The following WWOX variants were observed in gnomAD, a reference collection of about 807,000 sequenced individuals.
WWOX encodes WW domain-containing oxidoreductase.
Under a neutral mutation model 46.2 loss-of-function variants are expected in WWOX, and 69 were observed. That is an observed-to-expected ratio of 1.49 (90% CI 1.23 to 1.82). WWOX has a LOEUF of 1.82. Ranked by LOEUF, WWOX falls within the 40% of genes most tolerant of loss-of-function variation. The probability of loss-of-function intolerance (pLI) is 0.00; values close to 1 mark genes in which losing one functional copy is unlikely to be tolerated. For synonymous variants in WWOX, 359 were observed against 202.6 expected, an observed-to-expected ratio of 1.77 and a Z score of -6.56; for missense variants, 919 against 542.6, an observed-to-expected ratio of 1.69 and a Z score of -6.89.
intron 8 of WWOX, among the ~76,000 whole-genome samples, chr16:78,629,266 G>T (rs902158276): frequency 1.3e-5 from 2 of 151,532 alleles, no homozygotes; most frequent in Non-Finnish European, 2.9e-5. Context: ...AAGGGATGGG[G>T]TCATAAGACA....
Position 79,128,397 on chromosome 16 carries a change from A to C in WWOX, c.1057-83211A>C, listed in dbSNP as rs374476120. Among the ~76,000 whole-genome samples the C allele has an allele frequency of 1.1e-3, 166 of 152,056 alleles. 3 individuals are homozygous for C. Among genetic ancestry groups the C allele is most frequent in the Middle Eastern group, 3.4e-3 (1 of 294 alleles). ...CAAAAAACAAAAAACAAAAAAAAAA[A>C]CACTAAACCCCAAATTTGTCCTTTT... On this transcript the variant is annotated intron_variant, in intron 8 of 8. Transcript: ENST00000566780.
intron 8 of WWOX, among the ~76,000 whole-genome samples, chr16:79,059,494 G>GT (rs1200437978): frequency 6.6e-6 from 1 of 152,150 alleles, no homozygotes; most frequent in Non-Finnish European, 1.5e-5. Context: ...TTATTTATAT[G>GT]TTTTTTCTTT....
chr16:78,433,682 A>T (rs1472082149), intron 8 of WWOX, among the ~76,000 whole-genome samples: 1 of 150,520 alleles, frequency 6.6e-6, no homozygotes, highest in African/African-American at 2.4e-5. Flanking sequence ...CAGGCCTATT[A>T]TCCTCCAGCT....
chr16:78,299,689 G>A (rs1410756172), intron 5 of WWOX, among the ~76,000 whole-genome samples: 1 of 151,710 alleles, frequency 6.6e-6, no homozygotes, highest in African/African-American at 2.4e-5. Context: ...CACCATGCCC[G>A]CCTAATTTTT....
intron 8 of WWOX, among the ~76,000 whole-genome samples, chr16:79,036,449 A>G (rs376695695): frequency 6.6e-6 from 1 of 152,230 alleles, no homozygotes; most frequent in East Asian, 1.9e-4. Flanking sequence ...CATTTGCTGC[A>G]TCATTCATGA....
At chr16:78,957,252 AATT>A (rs2046185977) in intron 8 of WWOX, among the ~76,000 whole-genome samples, 1 of 152,206 alleles carries the variant, frequency 6.6e-6, no homozygotes, top group African/African-American at 2.4e-5. Context: ...GTGACGAAAT[AATT>A]ATTTTGAGAT....
chr16:78,833,376 G>A (rs1050782447), intron 8 of WWOX, among the ~76,000 whole-genome samples: 69 of 152,036 alleles, frequency 4.5e-4, no homozygotes, highest in African/African-American at 1.6e-3. Flanking sequence ...CATACAGCTT[G>A]TTTCTCTAAT....
In WWOX at chr16:79,127,902, T is replaced by C. The variant is rs144808795; in HGVS notation, c.1057-83706T>C. On this transcript the variant is annotated intron_variant, in intron 8 of 8. Coordinates refer to ENST00000566780, the MANE Select transcript of WWOX (RefSeq NM_016373.4). ...AAGTTAGACTGCAAGAAGGAGAAGATTGGATTCAGGGCAGGAAATCAGTAC... is the reference window on the plus strand; with the variant it reads ...AAGTTAGACTGCAAGAAGGAGAAGACTGGATTCAGGGCAGGAAATCAGTAC... Among the ~76,000 whole-genome samples the C allele has an allele frequency of 7.5e-3, 1,144 of 152,184 alleles. 15 individuals are homozygous for C. The highest frequency in any genetic ancestry group is 0.025 in the African/African-American group (1,050 of 41,516).
At chr16:78,756,246 G>C (rs1170686883) in intron 8 of WWOX, among the ~76,000 whole-genome samples, 2 of 152,074 alleles carry the variant, frequency 1.3e-5, no homozygotes, top group African/African-American at 4.8e-5. Flanking sequence ...GCTTAAAGTG[G>C]CAGAAGTAGA....
chr16:78,305,725 C>G (rs554137517), intron 5 of WWOX, among the ~76,000 whole-genome samples: 12 of 152,182 alleles, frequency 7.9e-5, no homozygotes, highest in Non-Finnish European at 1.6e-4. Flanking sequence ...ACCACGCAGC[C>G]CACATTAAAC....
intron 8 of WWOX, among the ~76,000 whole-genome samples, chr16:78,460,108 C>G (rs761254716): frequency 6.6e-6 from 1 of 151,890 alleles, no homozygotes; most frequent in Non-Finnish European, 1.5e-5. Context: ...TACCTGGACT[C>G]CACTATGCCT....
intron 8 of WWOX, among the ~76,000 whole-genome samples, chr16:78,819,789 G>T (rs183052757): frequency 1.3e-5 from 2 of 152,184 alleles, no homozygotes; most frequent in African/African-American, 4.8e-5. Context: ...ATTTTCATCC[G>T]TAAACAAAGC....
At chr16:79,094,841 A>G (rs59433448) in intron 8 of WWOX, among the ~76,000 whole-genome samples, 2,033 of 152,244 alleles carry the variant, frequency 0.013, 48 homozygotes, top group African/African-American at 0.044. Flanking sequence ...CCCAATATTT[A>G]TTGAGCCAAC....
At chr16:78,530,427 A>G (rs1449808358) in intron 8 of WWOX, among the ~76,000 whole-genome samples, 1 of 152,204 alleles carries the variant, frequency 6.6e-6, no homozygotes, top group Non-Finnish European at 1.5e-5. Context: ...TAAAAAGAAG[A>G]CAAAGCAGGA....
intron 8 of WWOX, among the ~76,000 whole-genome samples, chr16:78,774,812 G>C (rs1286155408): frequency 5.3e-5 from 8 of 152,108 alleles, no homozygotes; most frequent in African/African-American, 1.9e-4. Context: ...GTGCTCCCAG[G>C]AGATCTTGTG....
chr16:78,354,709 G>A (rs1567519453), intron 5 of WWOX, among the ~76,000 whole-genome samples: 1 of 64,434 alleles, frequency 1.6e-5, no homozygotes, highest in South Asian at 3.4e-4. Context: ...TAGGTAAACT[G>A]TTTTGTTTGT....
At chr16:78,991,126 G>C (rs1255617656) in intron 8 of WWOX, among the ~76,000 whole-genome samples, 1 of 152,210 alleles carries the variant, frequency 6.6e-6, no homozygotes, top group Non-Finnish European at 1.5e-5. Context: ...GTGAAGGAAA[G>C]TACCTTACTA....
intron 8 of WWOX, among the ~76,000 whole-genome samples, chr16:78,646,339 A>G (rs2046842276): frequency 6.6e-6 from 1 of 152,138 alleles, no homozygotes; most frequent in Admixed American, 6.5e-5. Context: ...TCTGCCTGCC[A>G]TCCTGTCCTA....
intron 8 of WWOX, among the ~76,000 whole-genome samples, chr16:79,194,986 G>A (rs943180152): frequency 8.5e-5 from 13 of 152,174 alleles, no homozygotes; most frequent in African/African-American, 2.7e-4. Flanking sequence ...TACTACTACC[G>A]CCACTGCTGT....
Sources: allele counts gnomAD v4.1 joint callset (sites outside exome capture counted in the v4.1 genomes callset), GRCh38; gene constraint gnomAD v4.1.1; transcripts MANE v1.5; gene names NCBI Gene and HGNC (gene_info 2026-07-23, HGNC 2026-07-21).